SYNE1: variants seen among roughly 807,000 people sequenced by gnomAD.
SYNE1 encodes nesprin-1.
A neutral mutation model predicts 1,111.0 loss-of-function variants in SYNE1; 616 were observed. That is an observed-to-expected ratio of 0.55 (90% confidence interval 0.52 to 0.59). The LOEUF is 0.59. SYNE1 is among the 20% of genes least tolerant of loss of function. The pLI, the probability that SYNE1 is intolerant of heterozygous loss-of-function variation, is 0.00. For synonymous variants in SYNE1, 3,855 were observed against 3,825.8 expected (o/e 1.01, Z -0.28); for missense variants, 10,006 against 10,417.0 (o/e 0.96, Z 1.72).
At chr6:152,382,403 TTAAC>T (rs927961724) in intron 55 of SYNE1, among the ~76,000 whole-genome samples, 1 of 152,226 alleles carries the variant, frequency 6.6e-6, no homozygotes, top group Admixed American at 6.5e-5. Flanking sequence ...AAAGTATGTC[TTAAC>T]TAGTCTATAT....
At chr6:152,505,939 C>T (rs1386291014) in intron 8 of SYNE1, among the ~76,000 whole-genome samples, 1 of 152,184 alleles carries the variant, frequency 6.6e-6, no homozygotes, top group Non-Finnish European at 1.5e-5. Context: ...GTAGAATAGA[C>T]AAATGCAAAT....
chr6:152,590,507 C>CA (rs1355795920), intron 3 of SYNE1, among the ~76,000 whole-genome samples: 1 of 151,426 alleles, frequency 6.6e-6, no homozygotes, highest in Non-Finnish European at 1.5e-5. Flanking sequence ...TTATATTTAC[C>CA]AAAAAACTAC....
Position 152,330,353 on chromosome 6 carries a change from T to C in SYNE1, c.14332A>G (p.Ser4778Gly), listed in dbSNP as rs2096216669. The C allele has an allele frequency of 6.2e-7, 1 of 1,614,174 alleles. No homozygotes were observed. The highest frequency in any genetic ancestry group is 8.5e-7 in the Non-Finnish European group (1 of 1,180,022). The change falls in exon 78 of 146, where the codon AGT (serine) becomes GGT (glycine). Residue 4778 changes from serine (S) to glycine (G), a missense_variant. Physicochemically the swap from Ser to Gly is moderately conservative, Grantham distance 56. Around this residue, in one of 7 missense-constraint regions of SYNE1, gnomAD observed 4,955 missense variants for 5,017.2 expected, o/e 0.99. Transcript: ENST00000367255. ...QRVSLLEDTT[S>G]AYQEHEKMCQ... ...ATCTTCTCGTGTTCTTGGTAAGCAC[T>C]GGTGGTGTCTTCTAATAAGCTAACC...
chr6:152,340,494 A>G (rs1027912760), intron 74 of SYNE1, among the ~76,000 whole-genome samples: 1 of 152,162 alleles, frequency 6.6e-6, no homozygotes, highest in Non-Finnish European at 1.5e-5. Flanking sequence ...CTACCCACTT[A>G]ATGCCAGCAG....
At chr6:152,268,763 A>C (rs545328597) in intron 99 of SYNE1, among the ~76,000 whole-genome samples, 100 of 152,276 alleles carry the variant, frequency 6.6e-4, no homozygotes, top group African/African-American at 2.4e-3. Flanking sequence ...AAAAATACAA[A>C]CTGCATTCAT....
chr6:152,401,521 A>T (rs1367330620), intron 46 of SYNE1, among the ~76,000 whole-genome samples, 180 bp from the exon 47 acceptor site: 2 of 152,236 alleles, frequency 1.3e-5, no homozygotes, highest in Non-Finnish European at 1.5e-5. Context: ...TGCCAAACAC[A>T]TGAAGTGATG....
Position 152,391,433 on chromosome 6 carries a change from G to A in SYNE1, c.7848C>T (p.Leu2616=), listed in dbSNP as rs781098642. 1 of 1,613,984 alleles carries A rather than the reference G, an allele frequency of 6.2e-7. No individual in the cohort carries two copies. The highest frequency in any genetic ancestry group is 2.2e-5 in the East Asian group (1 of 44,856). Residue 2616 remains leucine, a synonymous_variant, in exon 52 of 146, where the codon CTC becomes CTT. Coordinates refer to ENST00000367255, the MANE Select transcript of SYNE1 (RefSeq NM_182961.4). ...QNLLRMTKEK[L]RSCQVALQEH... Reference sequence around the variant, plus strand: ...CCTGAAGGGCCACCTGGCAGCTCCGGAGTTTCTCTTTGGTCATTCTAAGTA... The same window carrying A: ...CCTGAAGGGCCACCTGGCAGCTCCGAAGTTTCTCTTTGGTCATTCTAAGTA...
chr6:152,169,798 CA>C (rs199833439), intron 130 of SYNE1, among the ~76,000 whole-genome samples: 48 of 133,852 alleles, frequency 3.6e-4, no homozygotes, highest in Admixed American at 4.5e-4. Flanking sequence ...AACCCAATCT[CA>C]AAAAAAAAAA....
At chr6:152,421,622 C>T (rs953929306) in intron 39 of SYNE1, among the ~76,000 whole-genome samples, 20 of 151,718 alleles carry the variant, frequency 1.3e-4, no homozygotes, top group African/African-American at 2.9e-4. Flanking sequence ...GTTTCCTGGC[C>T]GCAAGTTTCC....
rs746701982 is a variant in SYNE1 at position 152,281,787 on chromosome 6, CT to C, written c.18381+19del. ...TGTGCTTCATGATGTTGACATATTC[CT>C]TTGAGACCATTTTGGTACCTGGCAG... On this transcript the variant is annotated intron_variant, in intron 97 of 145. Transcript: ENST00000367255. The C allele has an allele frequency of 4.8e-5, 77 of 1,613,974 alleles. No individual in the cohort carries two copies. The highest frequency in any genetic ancestry group is 6.2e-5 in the Non-Finnish European group (73 of 1,179,922).
chr6:152,432,455 A>AT (rs1470559814), intron 34 of SYNE1, among the ~76,000 whole-genome samples: 5 of 152,112 alleles, frequency 3.3e-5, no homozygotes, highest in African/African-American at 1.2e-4. Flanking sequence ...TCACTTACAT[A>AT]TTTTAGATAG....
chr6:152,149,812 T>C, intron 135 of SYNE1, 144 bp from the exon 136 acceptor site: 1 of 713,256 alleles, frequency 1.4e-6, no homozygotes, highest in Non-Finnish European at 2.4e-6. Flanking sequence ...AAGACAAGAG[T>C]CTATTACCTT....
chr6:152,139,745 G>GAAAGAA lies in SYNE1; in HGVS notation c.25458+199_25458+204dup, dbSNP rs1406333399. ...AGAAAGAAAGAAAGAAAGAAAGAAAGAAAGAAAAGAAAAAAAAGAAAACCA... is the reference window on the plus strand; with the variant it reads ...AGAAAGAAAGAAAGAAAGAAAGAAAGAAAGAAAAAGAAAAGAAAAAAAAGAAAACCA... On this transcript the variant is annotated intron_variant, in intron 140 of 145. Transcript: ENST00000367255. Among the ~76,000 whole-genome samples the GAAAGAA allele has an allele frequency of 6.3e-5, 9 of 141,946 alleles. No individual in the cohort carries two copies. The East Asian group carries it at 1.8e-3, about 28-fold the overall frequency. 93.1% of individuals were successfully genotyped at this position (141,946 alleles called of 152,430 possible).
intron 14 of SYNE1, 27 bp from the exon 15 acceptor site, chr6:152,472,440 A>AGG: frequency 6.4e-7 from 1 of 1,567,208 alleles, no homozygotes; most frequent in Non-Finnish European, 8.7e-7. Flanking sequence ...AAAAAAATAA[A>AGG]AAATGAAAAA....
At chr6:152,467,421 T>A (rs540081737) in intron 16 of SYNE1, among the ~76,000 whole-genome samples, 1 of 152,144 alleles carries the variant, frequency 6.6e-6, no homozygotes, top group Non-Finnish European at 1.5e-5. Flanking sequence ...TTATACCTAA[T>A]GTTCAAGATA....
chr6:152,280,278 T>G (rs923206282), intron 97 of SYNE1, among the ~76,000 whole-genome samples: 3 of 152,242 alleles, frequency 2.0e-5, no homozygotes, highest in Admixed American at 2.0e-4. Flanking sequence ...AATTTAATAT[T>G]AGATTTTTAA....
chr6:152,548,290 G>A (rs978004870), intron 3 of SYNE1, among the ~76,000 whole-genome samples: 15 of 152,196 alleles, frequency 9.9e-5, no homozygotes, highest in African/African-American at 3.4e-4. Context: ...CTAGGAAGAA[G>A]GCTAAGAAAA....
At chr6:152,335,324 A>G (rs1554482641) in intron 76 of SYNE1, 1 of 152,246 alleles carries the variant, frequency 6.6e-6, no homozygotes, top group Non-Finnish European at 1.5e-5. Flanking sequence ...CAAATACAGC[A>G]AAATATTGGC....
chr6:152,164,316 C>T lies in SYNE1; in HGVS notation c.23637G>A (p.Lys7879=). Residue 7879 remains lysine, a synonymous_variant, in exon 131 of 146, where the codon AAG becomes AAA. Coordinates refer to ENST00000367255, the MANE Select transcript of SYNE1 (RefSeq NM_182961.4). ...GCACGGCTACCAGGGTCTCCTTCAG[C>T]TTCTTCACCCTGTGGGCAGAGAAGG... ...LLDLIAARVK[K]LKETLVAVQQ... 1.2e-6 allele frequency: 2 copies of T among 1,614,140 alleles called. No homozygotes were observed. Among genetic ancestry groups the T allele is most frequent in the Non-Finnish European group, 8.5e-7 (1 of 1,180,028 alleles).
Sources: gnomAD v4.1 joint callset for allele counts (sites outside exome capture counted in the v4.1 genomes callset) on GRCh38, gnomAD v4.1.1 for gene constraint, gnomAD v4.1.1 regional missense constraint, MANE v1.5 for transcripts, NCBI Gene and HGNC (gene_info 2026-07-23, HGNC 2026-07-21) for gene names.